SOBP: variants seen among roughly 807,000 people sequenced by gnomAD.
The protein encoded by SOBP is sine oculis-binding protein homolog.
A neutral mutation model predicts 53.6 loss-of-function variants in SOBP; 4 were observed. The ratio of observed to expected loss-of-function variants is 0.07; its 90% CI spans 0.04 to 0.17. The LOEUF (loss-of-function observed/expected upper bound fraction) is 0.17. Ranked by LOEUF, SOBP falls within the 10% of genes least tolerant of loss-of-function variation. SOBP has a pLI of 1.00. For synonymous variants in SOBP, 584 were observed against 522.6 expected (o/e 1.12, Z -1.60); for missense variants, 1,088 against 1,204.7 (o/e 0.90, Z 1.43).
chr6:107,562,903 C>T (rs1027170260), intron 4 of SOBP, among the ~76,000 whole-genome samples: 1 of 152,174 alleles, frequency 6.6e-6, no homozygotes, highest in African/African-American at 2.4e-5. Context: ...AGGTAAAAAT[C>T]TCAATAGTCG....
intron 4 of SOBP, among the ~76,000 whole-genome samples, chr6:107,569,020 T>C (rs1345799520): frequency 6.6e-6 from 1 of 152,182 alleles, no homozygotes; most frequent in Admixed American, 6.5e-5. Context: ...AAAACAGTTG[T>C]TTTAAAAGAG....
intron 4 of SOBP, among the ~76,000 whole-genome samples, chr6:107,564,995 G>T (rs1436297031): frequency 6.6e-6 from 1 of 152,192 alleles, no homozygotes; most frequent in Non-Finnish European, 1.5e-5. Flanking sequence ...AAATAAAGAG[G>T]GCAAGAGGGA....
intron 5 of SOBP, among the ~76,000 whole-genome samples, chr6:107,613,182 G>A (rs927580100): frequency 2.6e-5 from 4 of 152,210 alleles, no homozygotes; most frequent in Non-Finnish European, 4.4e-5. Flanking sequence ...AGAACGCTAG[G>A]TGGAGGCTGT....
intron 6 of SOBP, among the ~76,000 whole-genome samples, chr6:107,636,597 T>C (rs1771054901): frequency 6.6e-6 from 1 of 152,012 alleles, no homozygotes; most frequent in African/African-American, 2.4e-5. Flanking sequence ...TTCAGTTGAG[T>C]TTATCAACTT....
chr6:107,586,260 A>G (rs1785563225), intron 4 of SOBP, among the ~76,000 whole-genome samples: 1 of 152,230 alleles, frequency 6.6e-6, no homozygotes, highest in Non-Finnish European at 1.5e-5. Flanking sequence ...TAGGGCTAAG[A>G]TGAGATGAGA....
At chr6:107,598,285 T>G (rs1019585918) in intron 5 of SOBP, among the ~76,000 whole-genome samples, 3 of 152,138 alleles carry the variant, frequency 2.0e-5, no homozygotes, top group Non-Finnish European at 2.9e-5. Flanking sequence ...CGTATTAAAA[T>G]ATGTATGTGT....
chr6:107,525,847 C>T (rs779057337), intron 3 of SOBP, among the ~76,000 whole-genome samples: 2 of 152,190 alleles, frequency 1.3e-5, no homozygotes, highest in African/African-American at 2.4e-5. Flanking sequence ...CTTACTGAGG[C>T]TTCTAGATGT....
intron 4 of SOBP, among the ~76,000 whole-genome samples, chr6:107,569,893 C>T (rs999123846): frequency 2.0e-5 from 3 of 152,238 alleles, no homozygotes; most frequent in African/African-American, 4.8e-5. Flanking sequence ...ATTCTCACCC[C>T]CCTTTGCAGC....
intron 4 of SOBP, among the ~76,000 whole-genome samples, chr6:107,547,552 A>C (rs1328444415): frequency 6.6e-6 from 1 of 152,258 alleles, no homozygotes; most frequent in East Asian, 1.9e-4. Context: ...AGGCTATACA[A>C]ATATGGGATA....
In SOBP at chr6:107,570,519, G is replaced by C. The variant is rs143991015; in HGVS notation, c.574-16561G>C. Among the ~76,000 whole-genome samples, 58 of 152,338 alleles carry C rather than the reference G, an allele frequency of 3.8e-4. 2 individuals are homozygous for C. Among genetic ancestry groups the C allele is most frequent in the East Asian group, 1.5e-3 (8 of 5,178 alleles). On this transcript the variant is annotated intron_variant, in intron 4 of 6. Transcript: ENST00000317357. ...AGTTGTCAGTAGGACACACAACTCA[G>C]AATCTTTTGTTGAGTTTTAACTATT... is the stretch of plus-strand genomic sequence containing the variant.
chr6:107,499,432 T>C (rs545578950), intron 1 of SOBP, among the ~76,000 whole-genome samples: 1 of 152,204 alleles, frequency 6.6e-6, no homozygotes, highest in African/African-American at 2.4e-5. Context: ...TATTAGACAT[T>C]ATTATAATTA....
Position 107,658,011 on chromosome 6 carries a change from C to T in SOBP, c.*4-196C>T, listed in dbSNP as rs551491460. Among the ~76,000 whole-genome samples the T allele has an allele frequency of 1.1e-4, 16 of 152,296 alleles. No individual in the cohort carries two copies. In the South Asian group the frequency reaches 3.3e-3, roughly 32 times the overall value. On this transcript the variant is annotated intron_variant, in intron 6 of 6. Coordinates refer to ENST00000317357, the MANE Select transcript of SOBP (RefSeq NM_018013.4). ...ATTTCCTCACACAAAGCTGGCAGGGCTGACCTGAGCAGACCGTGAATGAAA... is the reference window on the plus strand; with the variant it reads ...ATTTCCTCACACAAAGCTGGCAGGGTTGACCTGAGCAGACCGTGAATGAAA...
At chr6:107,630,750 GTC>G (rs60388300) in intron 5 of SOBP, among the ~76,000 whole-genome samples, 5,866 of 148,580 alleles carry the variant, frequency 0.039, 274 homozygotes, top group East Asian at 0.15. Context: ...CACACACTCT[GTC>G]TCTCTCTCTC....
At chr6:107,500,800 C>T (rs1782825624) in intron 1 of SOBP, among the ~76,000 whole-genome samples, 1 of 152,198 alleles carries the variant, frequency 6.6e-6, no homozygotes, top group African/African-American at 2.4e-5. Flanking sequence ...GCTGGGATTA[C>T]AGGTCTGAGC....
chr6:107,657,801 A>G (rs1772129608), intron 6 of SOBP, among the ~76,000 whole-genome samples: 1 of 150,702 alleles, frequency 6.6e-6, no homozygotes, highest in African/African-American at 2.4e-5. Context: ...CAGTTGCACC[A>G]CTGCACTCCA....
At chr6:107,492,249 C>A (rs935142835) in intron 1 of SOBP, among the ~76,000 whole-genome samples, 4 of 152,032 alleles carry the variant, frequency 2.6e-5, no homozygotes, top group Non-Finnish European at 5.9e-5. Context: ...AATAACCATT[C>A]TTCCTCACTT....
At chr6:107,649,063 G>A (rs1483799077) in intron 6 of SOBP, among the ~76,000 whole-genome samples, 1 of 150,434 alleles carries the variant, frequency 6.6e-6, no homozygotes, top group Non-Finnish European at 1.5e-5. Context: ...CAGCTACTCA[G>A]GAGGCTGAGG....
intron 1 of SOBP, among the ~76,000 whole-genome samples, chr6:107,491,350 C>G (rs1190769147): frequency 6.6e-6 from 1 of 152,240 alleles, no homozygotes; most frequent in African/African-American, 2.4e-5. Context: ...ACTTCCCAGC[C>G]AAGCAGACCC....
chr6:107,506,509 A>C, intron 3 of SOBP, 82 bp downstream of exon 3: 1 of 1,518,090 alleles, frequency 6.6e-7, no homozygotes. Flanking sequence ...TTAAATGCTC[A>C]AGTTAACTTT....
Sources: allele counts gnomAD v4.1 joint callset (sites outside exome capture counted in the v4.1 genomes callset), GRCh38; gene constraint gnomAD v4.1.1; transcripts MANE v1.5; gene names NCBI Gene and HGNC (gene_info 2026-07-23, HGNC 2026-07-21).